The following SAMD3 variants were observed in gnomAD, a reference collection of about 807,000 sequenced individuals.
The protein encoded by SAMD3 is sterile alpha motif domain containing 3, also known as sterile alpha motif domain-containing protein 3.
A neutral mutation model predicts 58.5 loss-of-function variants in SAMD3; 63 were observed. That is an observed-to-expected ratio of 1.08 (90% confidence interval 0.88 to 1.33). SAMD3 has a LOEUF of 1.33. Among genes scored for constraint, SAMD3 ranks in the 40% most tolerant of loss-of-function variants. The probability of loss-of-function intolerance (pLI) is 0.00; values close to 1 mark genes in which losing one functional copy is unlikely to be tolerated. For missense variants in SAMD3, 604 were observed against 608.4 expected (o/e 0.99, Z 0.08); for synonymous variants, 220 against 210.3 (o/e 1.05, Z -0.40).
At chr6:130,354,716 C>A (rs180685754) in intron 1 of SAMD3, among the ~76,000 whole-genome samples, 3 of 152,100 alleles carry the variant, frequency 2.0e-5, no homozygotes, top group African/African-American at 7.2e-5. Context: ...GTTTAGTACA[C>A]GGGTGACAAA....
At chr6:130,245,614 C>T (rs888253980) in intron 2 of SAMD3, among the ~76,000 whole-genome samples, 4 of 152,206 alleles carry the variant, frequency 2.6e-5, no homozygotes, top group African/African-American at 9.6e-5. Context: ...TTGGTGGCCG[C>T]AACACAATAA....
At chr6:130,144,842 A>T in intron 11 of SAMD3, 38 bp from the exon 12 acceptor site, 1 of 1,536,946 alleles carries the variant, frequency 6.5e-7, no homozygotes, top group Non-Finnish European at 8.9e-7. Flanking sequence ...TGATACGTAA[A>T]ATAGCTAAAT....
At chr6:130,171,918 A>T (rs1421833365) in intron 8 of SAMD3, among the ~76,000 whole-genome samples, 1 of 152,208 alleles carries the variant, frequency 6.6e-6, no homozygotes, top group Non-Finnish European at 1.5e-5. Flanking sequence ...TATATTTAGC[A>T]TAGTTAGCTC....
rs1788518417 is a variant in SAMD3 at position 130,145,273 on chromosome 6, T to C, written c.1278+67A>G. 6.9e-6 allele frequency: 5 copies of C among 723,238 alleles called. 1 individual carries two copies. In the Admixed American group the frequency reaches 9.8e-5, roughly 14 times the overall value. 44.8% of individuals were successfully genotyped at this position (723,238 alleles called of 1,614,324 possible). On this transcript the variant is annotated intron_variant, in intron 11 of 11. Coordinates refer to ENST00000439090, the MANE Select transcript of SAMD3 (RefSeq NM_001017373.4). ...ACTCCATCTCAAAAATATAAGTAAA[T>C]AAATAATATAAATAATCGCATGAAG...
chr6:130,209,571 C>T lies in SAMD3; in HGVS notation c.307G>A (p.Gly103Arg), dbSNP rs1795359307. ...DEESSSPARH[G>R]EQMPSFYPAE... Reference sequence around the variant, plus strand: ...GGATAGAAAGATGGCATCTGCTCCCCATGCCTGGCTGGACTGGAGGACTCT... The same window carrying T: ...GGATAGAAAGATGGCATCTGCTCCCTATGCCTGGCTGGACTGGAGGACTCT... The change falls in exon 5 of 12, where the codon GGG becomes AGG. Residue 103 changes from glycine (G) to arginine (R), a missense_variant. Gly to Arg is a moderately radical substitution (Grantham distance 125). Transcript: ENST00000439090. 2 of 1,613,850 alleles carry T rather than the reference C, an allele frequency of 1.2e-6. No homozygotes were observed. The highest frequency in any genetic ancestry group is 1.1e-5 in the South Asian group (1 of 91,062).
chr6:130,360,644 T>G (rs1777957859), intron 1 of SAMD3, among the ~76,000 whole-genome samples: 1 of 152,196 alleles, frequency 6.6e-6, no homozygotes, highest in African/African-American at 2.4e-5. Flanking sequence ...CGGGCACCAT[T>G]GTCATTGATA....
intron 1 of SAMD3, among the ~76,000 whole-genome samples, chr6:130,216,991 C>T (rs145433779): frequency 7.9e-5 from 12 of 152,082 alleles, no homozygotes; most frequent in African/African-American, 2.4e-4. Flanking sequence ...TTGTAGTCAT[C>T]GATGGATAAA....
chr6:130,164,570 C>T (rs1288445327), intron 8 of SAMD3, among the ~76,000 whole-genome samples: 1 of 152,054 alleles, frequency 6.6e-6, no homozygotes, highest in Non-Finnish European at 1.5e-5. Context: ...TGTTCGGAGT[C>T]CCTGGTATTA....
Position 130,157,344 on chromosome 6 carries a change from A to ATT in SAMD3, c.823-2321_823-2320dup, listed in dbSNP as rs11405398. Reference sequence around the variant, plus strand: ...TATACCAAAAACCTAGAGCTAACATATTTTTTTTTTTTGAGACAAGGTCTC... The same window carrying ATT: ...TATACCAAAAACCTAGAGCTAACATATTTTTTTTTTTTTTGAGACAAGGTCTC... On this transcript the variant is annotated intron_variant, in intron 8 of 11. Transcript: ENST00000439090. Among the ~76,000 whole-genome samples the ATT allele has an allele frequency of 1.8e-3, 272 of 148,440 alleles. 1 individual carries two copies. Among genetic ancestry groups the ATT allele is most frequent in the East Asian group, 0.011 (58 of 5,098 alleles).
chr6:130,145,173 C>T (rs1388383237), intron 11 of SAMD3, among the ~76,000 whole-genome samples, 167 bp downstream of exon 11: 5 of 152,138 alleles, frequency 3.3e-5, no homozygotes, highest in African/African-American at 1.2e-4. Context: ...GCACGAGAAT[C>T]GCTTGAACCA....
chr6:130,204,051 GA>G (rs77403275), intron 5 of SAMD3, among the ~76,000 whole-genome samples: 121 of 144,180 alleles, frequency 8.4e-4, no homozygotes, highest in East Asian at 6.6e-3. Context: ...TGGCCAGACC[GA>G]AAAAAAAAAA....
chr6:130,258,244 C>T (rs571270148), intron 2 of SAMD3, among the ~76,000 whole-genome samples: 2 of 152,150 alleles, frequency 1.3e-5, no homozygotes, highest in African/African-American at 4.8e-5. Flanking sequence ...TGTTTTCTCT[C>T]CTTTTACATT....
intron 5 of SAMD3, among the ~76,000 whole-genome samples, chr6:130,193,053 C>T (rs1032751484): frequency 1.3e-5 from 2 of 152,196 alleles, no homozygotes; most frequent in Non-Finnish European, 2.9e-5. Context: ...ACTGGGAAGG[C>T]AGCCTTCCCT....
intron 9 of SAMD3, among the ~76,000 whole-genome samples, chr6:130,151,615 A>G (rs143295835): frequency 3.8e-4 from 57 of 151,756 alleles, no homozygotes; most frequent in African/African-American, 1.3e-3. Flanking sequence ...CTAATTTTGT[A>G]TTTTTAGTAG....
intron 1 of SAMD3, among the ~76,000 whole-genome samples, chr6:130,357,192 T>C (rs999496760): frequency 1.3e-5 from 2 of 149,648 alleles, no homozygotes; most frequent in African/African-American, 5.0e-5. Flanking sequence ...TGGCGTGATC[T>C]TGGCTCACTG....
chr6:130,286,486 T>C (rs62433320), intron 2 of SAMD3, among the ~76,000 whole-genome samples: 18,379 of 152,134 alleles, frequency 0.12, 1,528 homozygotes, highest in East Asian at 0.36. Context: ...ATTGCCTCCG[T>C]TCCTTCATGT....
intron 2 of SAMD3, among the ~76,000 whole-genome samples, chr6:130,287,767 A>G (rs1295552408): frequency 6.6e-6 from 1 of 152,126 alleles, no homozygotes; most frequent in African/African-American, 2.4e-5. Flanking sequence ...AACATAGTGA[A>G]ACCTTGTCTC....
intron 5 of SAMD3, among the ~76,000 whole-genome samples, chr6:130,206,310 G>C (rs1268055484): frequency 6.6e-6 from 1 of 152,164 alleles, no homozygotes; most frequent in East Asian, 1.9e-4. Context: ...TCGTATGCCA[G>C]GTAGTTTGAG....
At chr6:130,249,508 T>G (rs1773669488) in intron 2 of SAMD3, among the ~76,000 whole-genome samples, 1 of 152,176 alleles carries the variant, frequency 6.6e-6, no homozygotes, top group Admixed American at 6.5e-5. Context: ...TTACGGCAGC[T>G]TGTATACATG....
Sources: allele counts gnomAD v4.1 joint callset (sites outside exome capture counted in the v4.1 genomes callset), GRCh38; gene constraint gnomAD v4.1.1; transcripts MANE v1.5; gene names NCBI Gene and HGNC (gene_info 2026-07-23, HGNC 2026-07-21).